FAM81A: variants seen among roughly 807,000 people sequenced by gnomAD.
FAM81A encodes the protein protein FAM81A.
A neutral mutation model predicts 46.7 loss-of-function variants in FAM81A; 19 were observed. That is an observed-to-expected ratio of 0.41 (90% CI 0.28 to 0.60). FAM81A has a LOEUF of 0.60. FAM81A is among the 20% of genes least tolerant of loss of function. FAM81A has a pLI of 0.34. For synonymous variants in FAM81A, 183 were observed against 152.9 expected (o/e 1.20, Z -1.45); for missense variants, 377 against 453.5 (o/e 0.83, Z 1.53).
At chr15:59,409,644 A>T (rs533419936) in intron 2 of FAM81A, among the ~76,000 whole-genome samples, 1 of 152,326 alleles carries the variant, frequency 6.6e-6, no homozygotes, top group East Asian at 1.9e-4. Context: ...GATTTTCTTT[A>T]CAAGTTTCTG....
chr15:59,427,868 A>G (rs1405391134), intron 2 of FAM81A, among the ~76,000 whole-genome samples: 1 of 152,222 alleles, frequency 6.6e-6, no homozygotes, highest in Non-Finnish European at 1.5e-5. Context: ...GATAAACATA[A>G]GAGTGCAGAT....
intron 2 of FAM81A, among the ~76,000 whole-genome samples, chr15:59,409,439 T>C (rs2081110935): frequency 6.6e-6 from 1 of 152,186 alleles, no homozygotes; most frequent in African/African-American, 2.4e-5. Flanking sequence ...TTCATGACCA[T>C]GTGGTTCATT....
chr15:59,427,541 G>GCC (rs1319709471), intron 2 of FAM81A, among the ~76,000 whole-genome samples: 1 of 151,524 alleles, frequency 6.6e-6, no homozygotes, highest in Non-Finnish European at 1.5e-5. Flanking sequence ...CATCCACACT[G>GCC]CCCCGCTAGG....
chr15:59,440,931 G>A (rs1343816496), intron 1 of FAM81A, among the ~76,000 whole-genome samples: 3 of 152,130 alleles, frequency 2.0e-5, no homozygotes, highest in African/African-American at 7.2e-5. Context: ...CATTATCTAG[G>A]AGGAAGTCAC....
intron 2 of FAM81A, among the ~76,000 whole-genome samples, chr15:59,405,555 C>T (rs867227107): frequency 1.3e-5 from 2 of 152,004 alleles, no homozygotes; most frequent in Non-Finnish European, 2.9e-5. Context: ...GGGGGAGGAT[C>T]GCTTGAACCC....
intron 3 of FAM81A, among the ~76,000 whole-genome samples, chr15:59,479,185 G>C (rs974480000): frequency 1.3e-5 from 2 of 152,158 alleles, no homozygotes; most frequent in African/African-American, 4.8e-5. Flanking sequence ...TCTGATGAGA[G>C]GATGTGATGG....
At chr15:59,482,939 T>C (rs1273450273) in intron 3 of FAM81A, among the ~76,000 whole-genome samples, 3 of 152,224 alleles carry the variant, frequency 2.0e-5, no homozygotes, top group African/African-American at 7.2e-5. Flanking sequence ...CACAGGTGAT[T>C]GTAACTAGTT....
upstream of FAM81A, among the ~76,000 whole-genome samples, chr15:59,436,725 AC>A (rs2081245520): frequency 6.6e-6 from 1 of 152,156 alleles, no homozygotes; most frequent in Non-Finnish European, 1.5e-5. Flanking sequence ...CCTAGTACAT[AC>A]CATGCACCAG....
At position 59,398,707 on chromosome 15, in the gene FAM81A, A is replaced by C. The variant is rs547866117; in HGVS notation, c.-160-3569A>C. 9.3e-4 allele frequency among the ~76,000 whole-genome samples: 121 copies of C among 130,450 alleles called. 1 individual carries two copies. The highest frequency in any genetic ancestry group is 3.2e-3 in the African/African-American group (116 of 36,168). The allele number at this position is 130,450 out of a possible 152,430, so 85.6% of individuals were successfully genotyped here. ...TGGGAGGTGGAGGTTGCAGTGAGCC[A>C]GGATCACGTCACTGCACTCCAGCCT... On this transcript the variant is annotated intron_variant, in intron 1 of 4. Transcript: ENST00000558348.
chr15:59,523,366 T>A lies in FAM81A; in HGVS notation c.*1988T>A, dbSNP rs1477273519. 1 of 152,174 alleles carries A rather than the reference T, an allele frequency of 6.6e-6. No individual in the cohort carries two copies. The highest frequency in any genetic ancestry group is 1.5e-5 in the Non-Finnish European group (1 of 68,050). 9.4% of individuals were successfully genotyped at this position (152,174 alleles called of 1,614,324 possible). A position where few individuals can be genotyped will look rare whatever the true frequency, so the allele number is the denominator to read the frequency against. On this transcript the variant is annotated 3_prime_UTR_variant, in exon 9 of 9. Transcript: ENST00000288228. ...CTCCCAGACCGATTAAGTCAGAACCTCTGGGAGGTGGGTCGCAGGCATCAG... is the reference window on the plus strand; with the variant it reads ...CTCCCAGACCGATTAAGTCAGAACCACTGGGAGGTGGGTCGCAGGCATCAG...
At chr15:59,435,300 GCAAA>G (rs2081238542), upstream of FAM81A, among the ~76,000 whole-genome samples, 3 of 151,860 alleles carry the variant, frequency 2.0e-5, no homozygotes, top group African/African-American at 7.3e-5. Context: ...AAACAAACAA[GCAAA>G]CAAACAAAGC....
At chr15:59,468,706 T>C (rs1195702278) in intron 3 of FAM81A, among the ~76,000 whole-genome samples, 2 of 152,176 alleles carry the variant, frequency 1.3e-5, no homozygotes, top group Non-Finnish European at 2.9e-5. Flanking sequence ...TTTGTTTCTC[T>C]GTCTCTTTCA....
intron 4 of FAM81A, among the ~76,000 whole-genome samples, chr15:59,498,958 C>T (rs997896376): frequency 7.2e-5 from 11 of 152,204 alleles, no homozygotes; most frequent in South Asian, 2.1e-4. Context: ...TGTGAGCCAC[C>T]GCACCCAGCC....
chr15:59,493,887 C>T (rs2082007189), intron 4 of FAM81A, among the ~76,000 whole-genome samples: 6 of 152,132 alleles, frequency 3.9e-5, no homozygotes, highest in Admixed American at 3.9e-4. Context: ...CGCGCCCGGC[C>T]TCCTCCTTCT....
At chr15:59,404,672 G>T (rs2081086594) in intron 2 of FAM81A, among the ~76,000 whole-genome samples, 1 of 152,094 alleles carries the variant, frequency 6.6e-6, no homozygotes, top group African/African-American at 2.4e-5. Flanking sequence ...GCTCAGGCTG[G>T]CCTCCAGCCC....
At position 59,489,302 on chromosome 15, in the gene FAM81A, C is replaced by CATACATAT. The variant is rs1555432339; in HGVS notation, c.295-2962_295-2961insTATACATA. On this transcript the variant is annotated intron_variant, in intron 3 of 8. Transcript: ENST00000288228. The stretch of plus-strand genomic sequence containing the variant: ...ACATACATACATACATACATACATA[C>CATACATAT]ATACATACATATATACATACATACA... 3.6e-3 allele frequency among the ~76,000 whole-genome samples: 536 copies of CATACATAT among 150,322 alleles called. 2 individuals are homozygous for CATACATAT. Among genetic ancestry groups the CATACATAT allele is most frequent in the African/African-American group, 0.012 (504 of 40,664 alleles).
At chr15:59,474,136 T>C (rs2081735566) in intron 3 of FAM81A, among the ~76,000 whole-genome samples, 1 of 152,196 alleles carries the variant, frequency 6.6e-6, no homozygotes, top group African/African-American at 2.4e-5. Flanking sequence ...ACTCTTACTA[T>C]AGCATTTATT....
At chr15:59,476,748 C>A (rs1251608546) in intron 3 of FAM81A, among the ~76,000 whole-genome samples, 2 of 151,740 alleles carry the variant, frequency 1.3e-5, no homozygotes, top group Admixed American at 1.3e-4. Context: ...CAGGATCATG[C>A]CACTGCACTC....
At chr15:59,426,768 A>G (rs2081196839) in intron 2 of FAM81A, among the ~76,000 whole-genome samples, 1 of 152,236 alleles carries the variant, frequency 6.6e-6, no homozygotes, top group East Asian at 1.9e-4. Context: ...ACGCCTCGAC[A>G]TACCTCTGCC....
Sources: allele counts gnomAD v4.1 joint callset (sites outside exome capture counted in the v4.1 genomes callset), GRCh38; gene constraint gnomAD v4.1.1; transcripts MANE v1.5; gene names NCBI Gene and HGNC (gene_info 2026-07-23, HGNC 2026-07-21).